The following UAP1 variants were observed in gnomAD, a reference collection of about 807,000 sequenced individuals.
The protein encoded by UAP1 is UDP-N-acetylhexosamine pyrophosphorylase.
A neutral mutation model predicts 58.5 loss-of-function variants in UAP1; 25 were observed. That is an observed-to-expected ratio of 0.43 (90% confidence interval 0.31 to 0.60). The LOEUF is 0.60. Among genes scored for constraint, UAP1 ranks in the 20% least tolerant of loss-of-function variants. The probability of loss-of-function intolerance (pLI) is 0.11; values close to 1 mark genes in which losing one functional copy is unlikely to be tolerated. For missense variants in UAP1, 575 were observed against 630.0 expected, an observed-to-expected ratio of 0.91 and a Z score of 0.93; for synonymous variants, 208 against 213.0, an observed-to-expected ratio of 0.98 and a Z score of 0.21.
intron 9 of UAP1, among the ~76,000 whole-genome samples, chr1:162,595,915 G>A (rs553800586): frequency 6.6e-6 from 1 of 152,130 alleles, no homozygotes; most frequent in Non-Finnish European, 1.5e-5. Context: ...GCAGTGGAGC[G>A]ATCTCAGCTC....
In UAP1 at chr1:162,581,801, G is replaced by A. The variant is rs1571074606; in HGVS notation, c.834+342G>A. ...CTTTTTTCCTGTGACAAAGTTATTG[G>A]AGTAGGTAAGGAAAATGTGGTAGAA... is the stretch of plus-strand genomic sequence containing the variant. On this transcript the variant is annotated intron_variant, in intron 5 of 10. Coordinates refer to ENST00000271469, the Ensembl canonical transcript of UAP1. Among the ~76,000 whole-genome samples, 5 of 152,316 alleles carry A rather than the reference G, an allele frequency of 3.3e-5. No individual in the cohort carries two copies. In the South Asian group the frequency reaches 1.0e-3, roughly 32 times the overall value.
chr1:162,590,735 A>G (rs1357638310), intron 8 of UAP1, among the ~76,000 whole-genome samples: 3 of 151,726 alleles, frequency 2.0e-5, no homozygotes, highest in African/African-American at 7.3e-5. Flanking sequence ...TCTTTTTTTA[A>G]TTTTTATTTT....
chr1:162,571,425 G>C (rs947304184), intron 2 of UAP1, among the ~76,000 whole-genome samples: 1 of 152,012 alleles, frequency 6.6e-6, no homozygotes, highest in Non-Finnish European at 1.5e-5. Flanking sequence ...CACTGCACCT[G>C]GCCGCTTTTT....
At chr1:162,598,715 A>G (rs1016461536) in intron 10 of UAP1, among the ~76,000 whole-genome samples, 6 of 152,204 alleles carry the variant, frequency 3.9e-5, no homozygotes, top group African/African-American at 7.2e-5. Context: ...TTTCTTGCTT[A>G]GAAAGTTAAC....
intron 2 of UAP1, among the ~76,000 whole-genome samples, chr1:162,570,068 A>G (rs1344081136): frequency 2.0e-5 from 3 of 151,976 alleles, no homozygotes; most frequent in African/African-American, 4.8e-5. Context: ...AGGATGGTGT[A>G]AACCCAGGAG....
At chr1:162,598,556 T>C (rs372361470) in intron 10 of UAP1, among the ~76,000 whole-genome samples, 1 of 152,226 alleles carries the variant, frequency 6.6e-6, no homozygotes, top group Non-Finnish European at 1.5e-5. Context: ...TTAAATGCAA[T>C]GTAAGTTTTC....
chr1:162,566,269 A>G (rs749054367), exon 2 of UAP1: 1 of 1,614,214 alleles, frequency 6.2e-7, no homozygotes, highest in Non-Finnish European at 8.5e-7. Context: ...ATGTGGATGC[A>G]CGAATGGAAC....
At chr1:162,589,740 G>A (rs911889277) in intron 7 of UAP1, among the ~76,000 whole-genome samples, 2 of 152,184 alleles carry the variant, frequency 1.3e-5, no homozygotes, top group Non-Finnish European at 2.9e-5. Context: ...GGAGGCTGAG[G>A]CGGGTGGATG....
intron 5 of UAP1, 81 bp downstream of exon 5, chr1:162,581,540 A>C: frequency 1.5e-6 from 2 of 1,368,658 alleles, no homozygotes; most frequent in Non-Finnish European, 2.0e-6. Flanking sequence ...AACCAAGTTT[A>C]TTAGGGTGAT....
chr1:162,583,834 T>C (rs970517460), intron 5 of UAP1, among the ~76,000 whole-genome samples: 16 of 151,776 alleles, frequency 1.1e-4, no homozygotes, highest in African/African-American at 3.9e-4. Flanking sequence ...GAGACAGGGT[T>C]TCACTGTGTT....
chr1:162,595,386 T>C (rs1470903498), intron 9 of UAP1, among the ~76,000 whole-genome samples: 1 of 152,192 alleles, frequency 6.6e-6, no homozygotes, highest in Non-Finnish European at 1.5e-5. Context: ...TACATCTTAA[T>C]GGGGTGGGCC....
At chr1:162,564,415 A>G (rs1375098143) in intron 1 of UAP1, among the ~76,000 whole-genome samples, 1 of 152,252 alleles carries the variant, frequency 6.6e-6, no homozygotes, top group African/African-American at 2.4e-5. Context: ...CTGTTCTTAT[A>G]GGAAGAGAAG....
intron 2 of UAP1, among the ~76,000 whole-genome samples, chr1:162,567,561 T>C (rs1653594854): frequency 6.6e-6 from 1 of 152,202 alleles, no homozygotes; most frequent in South Asian, 2.1e-4. Context: ...GTAAGTAAAA[T>C]GTTGACTAAA....
chr1:162,588,795 G>C, exon 7 of UAP1: 1 of 1,611,974 alleles, frequency 6.2e-7, no homozygotes, highest in Non-Finnish European at 8.5e-7. Flanking sequence ...ATGGAATAAA[G>C]ATGGAAAAAT....
chr1:162,573,998 T>A (rs1346243003), intron 2 of UAP1, among the ~76,000 whole-genome samples: 1 of 151,714 alleles, frequency 6.6e-6, no homozygotes, highest in Non-Finnish European at 1.5e-5. Context: ...GAATGATTGC[T>A]GAATAATGTT....
intron 5 of UAP1, 70 bp downstream of exon 5, chr1:162,581,529 A>C: frequency 6.9e-7 from 1 of 1,456,934 alleles, no homozygotes; most frequent in Non-Finnish European, 9.3e-7. Flanking sequence ...TCCAGAAGTC[A>C]AACCAAGTTT....
rs1655082411 is a variant in UAP1 at position 162,588,916 on chromosome 1, A to G, written c.1169+83A>G. On this transcript the variant is annotated intron_variant, in intron 7 of 10. Transcript: ENST00000271469. ...CTCTCTTAGGCATGAAACTGTTTTCAGGAAACATTTGATAGCACATATCTC... is the reference window on the plus strand; with the variant it reads ...CTCTCTTAGGCATGAAACTGTTTTCGGGAAACATTTGATAGCACATATCTC... 7 of 1,372,162 alleles carry G rather than the reference A, an allele frequency of 5.1e-6. No homozygotes were observed. The South Asian group carries it at 9.1e-5, about 18-fold the overall frequency. The allele number at this position is 1,372,162 out of a possible 1,614,324, so 85.0% of individuals were successfully genotyped here. A position where few individuals can be genotyped will look rare whatever the true frequency, so the allele number is the denominator to read the frequency against.
intron 2 of UAP1, among the ~76,000 whole-genome samples, chr1:162,571,033 A>C (rs9919292): frequency 0.018 from 2,769 of 150,956 alleles, 74 homozygotes; most frequent in African/African-American, 0.062. Context: ...TGGGCCCACA[A>C]TGCATGACTC....
chr1:162,587,594 C>A (rs140592976), exon 6 of UAP1: 2 of 1,614,084 alleles, frequency 1.2e-6, no homozygotes, highest in Admixed American at 1.7e-5. Flanking sequence ...GAAGCTCAGA[C>A]GGACGACTGC....
Sources: gnomAD v4.1 joint callset for allele counts (sites outside exome capture counted in the v4.1 genomes callset) on GRCh38, gnomAD v4.1.1 for gene constraint, MANE v1.5 for transcripts, NCBI Gene and HGNC (gene_info 2026-07-23, HGNC 2026-07-21) for gene names.